Variants in RDH13 observed in about 807,000 individuals in gnomAD.
RDH13 encodes the protein retinol dehydrogenase 13 (all-trans and 9-cis).
In RDH13, 35 loss-of-function variants were observed where a neutral mutation model predicts 28.3. The observed-to-expected ratio is 1.24, with a 90% confidence interval of 0.95 to 1.64. RDH13 has a LOEUF of 1.64. RDH13 is among the 40% of genes most tolerant of loss of function. The probability of loss-of-function intolerance (pLI) is 0.00; values close to 1 mark genes in which losing one functional copy is unlikely to be tolerated. For missense variants in RDH13, 514 were observed against 446.3 expected, an observed-to-expected ratio of 1.15 and a Z score of -1.37; for synonymous variants, 229 against 198.5, an observed-to-expected ratio of 1.15 and a Z score of -1.29.
intron 3 of RDH13, among the ~76,000 whole-genome samples, chr19:55,049,310 G>A (rs111774987): frequency 3.9e-4 from 60 of 152,110 alleles, no homozygotes; most frequent in African/African-American, 1.3e-3. Context: ...TGGGAGCCCC[G>A]GCACCGCAGG....
chr19:55,056,078 C>A (rs139448120), intron 3 of RDH13, among the ~76,000 whole-genome samples: 1 of 151,986 alleles, frequency 6.6e-6, no homozygotes, highest in Non-Finnish European at 1.5e-5. Flanking sequence ...CATTTGAAAT[C>A]GGGAGACGGA....
chr19:55,055,698 CAAT>C (rs1292384007), intron 3 of RDH13, among the ~76,000 whole-genome samples: 2 of 150,386 alleles, frequency 1.3e-5, no homozygotes, highest in African/African-American at 2.4e-5. Flanking sequence ...AACAATAAAA[CAAT>C]AATTAGCTGT....
intron 3 of RDH13, among the ~76,000 whole-genome samples, chr19:55,055,936 T>G (rs1359381991): frequency 6.6e-6 from 1 of 151,964 alleles, no homozygotes; most frequent in African/African-American, 2.4e-5. Flanking sequence ...GCAGATCACC[T>G]GAGGTCAGGA....
At position 55,063,065 on chromosome 19, in the gene RDH13, G is replaced by GCGTCCGGGA. The variant is rs2075860103; in HGVS notation, c.-34_-33insTCCCGGACG. 6 of 1,332,314 alleles carry GCGTCCGGGA rather than the reference G, an allele frequency of 4.5e-6. No homozygotes were observed. The highest frequency in any genetic ancestry group is 1.5e-5 in the African/African-American group (1 of 65,150). 82.5% of individuals were successfully genotyped at this position (1,332,314 alleles called of 1,614,324 possible). The stretch of plus-strand genomic sequence containing the variant: ...CGGGGACAGGCGTCAGGCGTCAGGG[G>GCGTCCGGGA]TCGGCGCGGAGCTTGCTGCACACCA... On this transcript the variant is annotated 5_prime_UTR_variant, in exon 1 of 7. Coordinates refer to ENST00000415061, the MANE Select transcript of RDH13 (RefSeq NM_001145971.2).
chr19:55,052,950 G>T (rs4447548), intron 3 of RDH13, among the ~76,000 whole-genome samples: 3 of 99,790 alleles, frequency 3.0e-5, no homozygotes, highest in African/African-American at 1.0e-4. Flanking sequence ...GCGTGAGCCT[G>T]CACGCCTGCC....
chr19:55,049,521 G>C (rs951544774), intron 3 of RDH13, among the ~76,000 whole-genome samples: 2 of 152,204 alleles, frequency 1.3e-5, no homozygotes, highest in African/African-American at 4.8e-5. Flanking sequence ...CGGGCACAGT[G>C]GCTCACGCCT....
chr19:55,062,818 G>A (rs1415282035), intron 1 of RDH13, 150 bp downstream of exon 1: 2 of 606,356 alleles, frequency 3.3e-6, no homozygotes, highest in African/African-American at 1.9e-5. Flanking sequence ...GCCGGCCAGA[G>A]CGCAGGTTTG....
At chr19:55,052,942 G>A (rs1232260750) in intron 3 of RDH13, among the ~76,000 whole-genome samples, 10 of 105,610 alleles carry the variant, frequency 9.5e-5, no homozygotes, top group Admixed American at 1.8e-4. Flanking sequence ...GATTACAGGC[G>A]TGAGCCTGCA....
downstream of RDH13, chr19:55,044,218 T>C (rs1341005712): frequency 6.6e-6 from 1 of 152,256 alleles, no homozygotes; most frequent in African/African-American, 2.4e-5. Context: ...GATAAACTGA[T>C]GCCTTGTTTC....
rs113728593 is a variant in RDH13 at position 55,045,205 on chromosome 19, C to T, written c.865G>A (p.Asp289Asn). ...GCCGGGGCCTTCTGTTTGAGTCCATCGAAGTACTTTCCGGAAACATCCGCC... is the reference window on the plus strand; with the variant it reads ...GCCGGGGCCTTCTGTTTGAGTCCATTGAAGTACTTTCCGGAAACATCCGCC... ...ELADVSGKYFDGLKQKAPAPE... is the reference protein window; with the variant it reads ...ELADVSGKYFNGLKQKAPAPE... The change falls in exon 7 of 7, where the codon GAT becomes AAT. Residue 289 changes from aspartate to asparagine, a missense_variant. Coordinates refer to ENST00000415061, the MANE Select transcript of RDH13 (RefSeq NM_001145971.2). The T allele has an allele frequency of 1.8e-4, 295 of 1,613,574 alleles. 7 individuals are homozygous for T. The African/African-American group carries it at 2.1e-3, about 12-fold the overall frequency.
At position 55,047,445 on chromosome 19, in the gene RDH13, C is replaced by G. The variant is rs1403392931; in HGVS notation, c.702G>C (p.Arg234Ser). 1 of 1,610,642 alleles carries G rather than the reference C, an allele frequency of 6.2e-7. No homozygotes were observed. The highest frequency in any genetic ancestry group is 8.5e-7 in the Non-Finnish European group (1 of 1,179,936). The part of the protein sequence containing the change: ...TVNALHPGVA[R>S]TELGRHTGIH... ...TGCCCGTGTGTCTGCCCAGCTCTGT[C>G]CTGGCCACGCCGGGGTGCAGGGCGT... The change falls in exon 6 of 7, where the codon AGG (arginine) becomes AGC (serine). Residue 234 changes from arginine to serine, a missense_variant. Transcript: ENST00000415061.
intron 5 of RDH13, 79 bp from the exon 6 acceptor site, chr19:55,047,567 G>A: frequency 1.3e-6 from 2 of 1,503,346 alleles, no homozygotes; most frequent in South Asian, 1.2e-5. Flanking sequence ...ACCCAGCTGT[G>A]GGGCTTCCGG....
chr19:55,060,884 G>GC (rs112398357), intron 1 of RDH13, among the ~76,000 whole-genome samples: 16,083 of 152,180 alleles, frequency 0.11, 900 homozygotes, highest in Non-Finnish European at 0.13. Flanking sequence ...GCTGCTGTAC[G>GC]CATTACCACA....
At position 55,062,950 on chromosome 19, in the gene RDH13, G is replaced by C. The variant is rs1050639233; in HGVS notation, c.65+18C>G. On this transcript the variant is annotated intron_variant, in intron 1 of 6. Coordinates refer to ENST00000415061, the MANE Select transcript of RDH13 (RefSeq NM_001145971.2). ...GGGGCCCGCCTTGACCGCGCACGCGGGGCTAGAATGTACTCACTTGAGCAG... is the reference window on the plus strand; with the variant it reads ...GGGGCCCGCCTTGACCGCGCACGCGCGGCTAGAATGTACTCACTTGAGCAG... The C allele has an allele frequency of 7.5e-6, 11 of 1,463,436 alleles. No homozygotes were observed. In the African/African-American group the frequency reaches 1.3e-4, roughly 18 times the overall value. The allele number at this position is 1,463,436 out of a possible 1,614,324, so 90.7% of individuals were successfully genotyped here. A position where few individuals can be genotyped will look rare whatever the true frequency, so the allele number is the denominator to read the frequency against.
At chr19:55,048,868 G>T in intron 3 of RDH13, 105 bp from the exon 4 acceptor site, 1 of 1,032,160 alleles carries the variant, frequency 9.7e-7, no homozygotes, top group Non-Finnish European at 1.5e-6. Flanking sequence ...AATGTGGCCT[G>T]TGCCGGAAAC....
chr19:55,067,696 G>C (rs1602857739), upstream of RDH13: 1 of 152,218 alleles, frequency 6.6e-6, no homozygotes, highest in East Asian at 1.9e-4. Context: ...TTCTTTTCTG[G>C]CTGAGATGTA....
chr19:55,068,838 A>G (rs1437564326), intron 1 of RDH13: 1 of 135,294 alleles, frequency 7.4e-6, no homozygotes, highest in Non-Finnish European at 1.6e-5. Context: ...TCTGTCAAGA[A>G]AGAAAGAAAA....
chr19:55,061,791 C>CA (rs60108220), intron 1 of RDH13, among the ~76,000 whole-genome samples: 45,460 of 133,218 alleles, frequency 0.34, 7,688 homozygotes, highest in Admixed American at 0.46. Flanking sequence ...ACCCTGTCTC[C>CA]AAAAAAAAAA....
intron 3 of RDH13, among the ~76,000 whole-genome samples, chr19:55,050,100 T>C (rs2075379099): frequency 7.7e-6 from 1 of 129,154 alleles, no homozygotes; most frequent in African/African-American, 2.7e-5. Flanking sequence ...GCAATTTCAC[T>C]GCCCCCAGCC....
Sources: allele counts gnomAD v4.1 joint callset (sites outside exome capture counted in the v4.1 genomes callset), GRCh38; gene constraint gnomAD v4.1.1; transcripts MANE v1.5; gene names NCBI Gene and HGNC (gene_info 2026-07-23, HGNC 2026-07-21).